The following FAM135B variants were observed in gnomAD, a reference collection of about 807,000 sequenced individuals.
FAM135B encodes the protein family with sequence similarity 135 member B.
In FAM135B, 43 loss-of-function variants were observed where a neutral mutation model predicts 127.7. The observed-to-expected ratio is 0.34, with a 90% CI of 0.26 to 0.43. FAM135B has a LOEUF of 0.43. Ranked by LOEUF, FAM135B falls within the 20% of genes least tolerant of loss-of-function variation. FAM135B has a pLI of 1.00. For synonymous variants in FAM135B, 670 were observed against 665.1 expected, an observed-to-expected ratio of 1.01 and a Z score of -0.11; for missense variants, 1,558 against 1,725.6, an observed-to-expected ratio of 0.90 and a Z score of 1.72.
intron 2 of FAM135B, 117 bp downstream of exon 2, chr8:138,367,787 TTTC>T (rs1830844302): frequency 2.7e-6 from 2 of 750,172 alleles, no homozygotes; most frequent in African/African-American, 3.5e-5. Flanking sequence ...ATGAAAATCT[TTTC>T]TTCGTTAGTC....
At chr8:138,418,883 AC>A (rs1363819024) in intron 1 of FAM135B, among the ~76,000 whole-genome samples, 2 of 145,528 alleles carry the variant, frequency 1.4e-5, no homozygotes, top group African/African-American at 5.2e-5. Context: ...CTCACCAACC[AC>A]AAAAAAAAAA....
intron 1 of FAM135B, among the ~76,000 whole-genome samples, chr8:138,447,920 T>C (rs533095798): frequency 6.6e-6 from 1 of 152,086 alleles, no homozygotes; most frequent in South Asian, 2.1e-4. Context: ...GAACATCCTC[T>C]GTATCATACG....
chr8:138,152,154 G>A lies in FAM135B; in HGVS notation c.2321C>T (p.Pro774Leu), dbSNP rs2130758475. ...AGCCTCCTCTGGGCTACTGATGTGG[G>A]GAGCAGATACAGACTTGGTTAACTT... is the stretch of plus-strand genomic sequence containing the variant. ...LTKLTKSVSA[P>L]HISSPEEAAE... Residue 774 changes from proline to leucine, a missense_variant, in exon 13 of 20, where the codon CCC becomes CTC. Pro to Leu is a moderately conservative substitution (Grantham distance 98). Transcript: ENST00000395297. 6.2e-7 allele frequency: 1 copy of A among 1,613,946 alleles called. No individual in the cohort carries two copies. Among genetic ancestry groups the A allele is most frequent in the South Asian group, 1.1e-5 (1 of 91,078 alleles).
At chr8:138,368,880 T>TTA (rs1830935142) in intron 1 of FAM135B, among the ~76,000 whole-genome samples, 2 of 152,186 alleles carry the variant, frequency 1.3e-5, no homozygotes, top group Non-Finnish European at 2.9e-5. Context: ...GGAAAGAAGC[T>TTA]TAGTTGTATT....
intron 1 of FAM135B, among the ~76,000 whole-genome samples, chr8:138,449,332 C>A (rs1446365654): frequency 6.6e-6 from 1 of 152,108 alleles, no homozygotes; most frequent in Non-Finnish European, 1.5e-5. Context: ...GCCCGGATTA[C>A]AGCTGAGATC....
At position 138,385,311 on chromosome 8, in the gene FAM135B, A is replaced by G. The variant is rs1006409074; in HGVS notation, c.-19-17309T>C. Among the ~76,000 whole-genome samples the G allele has an allele frequency of 7.9e-5, 12 of 152,034 alleles. No homozygotes were observed. In the East Asian group the frequency reaches 1.7e-3, roughly 22 times the overall value. Reference sequence around the variant, plus strand: ...ACCACTCCACGGAATTATCTACTTGATTTTCATGTCCTCTCTCAGAATATT... The same window carrying G: ...ACCACTCCACGGAATTATCTACTTGGTTTTCATGTCCTCTCTCAGAATATT... On this transcript the variant is annotated intron_variant, in intron 1 of 19. Coordinates refer to ENST00000395297, the MANE Select transcript of FAM135B (RefSeq NM_015912.4).
intron 3 of FAM135B, among the ~76,000 whole-genome samples, chr8:138,281,295 A>C (rs1363886487): frequency 6.6e-6 from 1 of 152,024 alleles, no homozygotes; most frequent in African/African-American, 2.4e-5. Context: ...CCATTCTCTC[A>C]TTAGAAATAA....
intron 1 of FAM135B, among the ~76,000 whole-genome samples, chr8:138,399,472 C>T (rs1478428598): frequency 2.6e-5 from 4 of 152,064 alleles, no homozygotes; most frequent in South Asian, 2.1e-4. Context: ...AGGGCAGAAG[C>T]GAGGCATTTT....
At chr8:138,309,772 T>C (rs1345503850) in intron 3 of FAM135B, among the ~76,000 whole-genome samples, 1 of 152,152 alleles carries the variant, frequency 6.6e-6, no homozygotes, top group East Asian at 1.9e-4. Context: ...TGGCTACTCG[T>C]ACTTTATAAT....
intron 2 of FAM135B, among the ~76,000 whole-genome samples, chr8:138,326,144 A>C (rs1370222385): frequency 2.6e-5 from 4 of 152,162 alleles, no homozygotes; most frequent in African/African-American, 9.7e-5. Flanking sequence ...GCTTTTATTC[A>C]TATGGGCTGA....
chr8:138,311,718 T>C (rs543877650), intron 2 of FAM135B, among the ~76,000 whole-genome samples: 3 of 152,294 alleles, frequency 2.0e-5, no homozygotes, highest in Admixed American at 2.0e-4. Flanking sequence ...CTCATTGAGC[T>C]CATAGCTGGG....
rs1357989236 is a variant in FAM135B at position 138,446,816 on chromosome 8, A to C, written c.-20+49855T>G. Among the ~76,000 whole-genome samples the C allele has an allele frequency of 3.9e-5, 6 of 151,950 alleles. No individual in the cohort carries two copies. The South Asian group carries it at 1.0e-3, about 26-fold the overall frequency. On this transcript the variant is annotated intron_variant, in intron 1 of 19. Coordinates refer to ENST00000395297, the MANE Select transcript of FAM135B (RefSeq NM_015912.4). ...CAAAATTGACAAATGGGATCTAATTAAACTAAAGAGCTTCTGCACAGCAAA... is the reference window on the plus strand; with the variant it reads ...CAAAATTGACAAATGGGATCTAATTCAACTAAAGAGCTTCTGCACAGCAAA...
chr8:138,209,296 G>C lies in FAM135B; in HGVS notation c.670-11627C>G, dbSNP rs1228914390. On this transcript the variant is annotated intron_variant, in intron 7 of 19. Transcript: ENST00000395297. ...ATACCAGAGGAAACCACAGGATGTA[G>C]AGAGTGTGACATAGGGCACACAGAG... 3.3e-5 allele frequency among the ~76,000 whole-genome samples: 5 copies of C among 152,304 alleles called. No homozygotes were observed. In the South Asian group the frequency reaches 6.2e-4, roughly 19 times the overall value.
At chr8:138,226,184 T>TGTGCGTGTGCGCGCGCGC in intron 7 of FAM135B, among the ~76,000 whole-genome samples, 3 of 139,202 alleles carry the variant, frequency 2.2e-5, no homozygotes, top group African/African-American at 8.1e-5. Flanking sequence ...TGTGTGTGTG[T>TGTGCGTGTGCGCGCGCGC]GCGCGCATGT....
intron 2 of FAM135B, among the ~76,000 whole-genome samples, chr8:138,332,038 C>T (rs1284488458): frequency 6.6e-6 from 1 of 152,270 alleles, no homozygotes; most frequent in African/African-American, 2.4e-5. Context: ...TGTTATGAAA[C>T]CCAGTGCTAC....
intron 1 of FAM135B, among the ~76,000 whole-genome samples, chr8:138,458,651 T>A (rs1056181866): frequency 4.6e-5 from 7 of 152,198 alleles, no homozygotes; most frequent in African/African-American, 1.2e-4. Context: ...TGGAACACAG[T>A]CACAGCCACT....
At chr8:138,279,961 C>T (rs1824132823) in intron 3 of FAM135B, among the ~76,000 whole-genome samples, 1 of 152,200 alleles carries the variant, frequency 6.6e-6, no homozygotes. Context: ...GCTGAGTACT[C>T]ACTCCTATAT....
At chr8:138,185,070 A>G (rs565774241) in intron 9 of FAM135B, among the ~76,000 whole-genome samples, 1 of 152,298 alleles carries the variant, frequency 6.6e-6, no homozygotes, top group African/African-American at 2.4e-5. Flanking sequence ...AGTGCTGTGA[A>G]GTCCTAGCGC....
At chr8:138,200,218 A>T (rs2131160193) in intron 7 of FAM135B, among the ~76,000 whole-genome samples, 1 of 152,362 alleles carries the variant, frequency 6.6e-6, no homozygotes, top group East Asian at 1.9e-4. Flanking sequence ...AACTTAAGAC[A>T]TTCAGCAACG....
Sources: allele counts gnomAD v4.1 joint callset (sites outside exome capture counted in the v4.1 genomes callset), GRCh38; gene constraint gnomAD v4.1.1; transcripts MANE v1.5; gene names NCBI Gene and HGNC (gene_info 2026-07-23, HGNC 2026-07-21).